The following KIAA1958 variants were observed in gnomAD, a reference collection of about 807,000 sequenced individuals.
The protein encoded by KIAA1958 is uncharacterized protein KIAA1958.
KIAA1958 carries 14 observed loss-of-function variants against 47.2 expected under a neutral mutation model. The observed-to-expected ratio is 0.30, with a 90% CI of 0.20 to 0.46. The LOEUF (loss-of-function observed/expected upper bound fraction) is 0.46, where lower values mean the gene tolerates loss of function less well. Ranked by LOEUF, KIAA1958 falls within the 20% of genes least tolerant of loss-of-function variation. The probability of loss-of-function intolerance (pLI) is 1.00; values close to 1 mark genes in which losing one functional copy is unlikely to be tolerated. For synonymous variants in KIAA1958, 354 were observed against 353.3 expected (o/e 1.00, Z -0.02); for missense variants, 803 against 909.2 (o/e 0.88, Z 1.50).
chr9:112,568,724 A>T (rs1303621305), intron 1 of KIAA1958, among the ~76,000 whole-genome samples: 2 of 151,362 alleles, frequency 1.3e-5, no homozygotes, highest in African/African-American at 4.9e-5. Context: ...ACAAACAAAA[A>T]ATTTAATATA....
chr9:112,569,355 C>T (rs564028810), intron 1 of KIAA1958, among the ~76,000 whole-genome samples: 42 of 152,198 alleles, frequency 2.8e-4, no homozygotes, highest in Non-Finnish European at 5.0e-4. Context: ...TAAGTGTCTT[C>T]TTATCCTATT....
In KIAA1958 at chr9:112,552,723, C is replaced by A. The variant is rs984102170; in HGVS notation, c.-24-21334C>A. On this transcript the variant is annotated intron_variant, in intron 1 of 3. Transcript: ENST00000337530. ...GCCTTAGTCAGATATTCTGGGGTTG[C>A]ATGTGTAGGGTGGAACATTGGCTAC... 2.6e-5 allele frequency among the ~76,000 whole-genome samples: 4 copies of A among 152,162 alleles called. No individual in the cohort carries two copies. In the East Asian group the frequency reaches 7.7e-4, roughly 29 times the overall value.
chr9:112,564,344 A>G (rs541466708), intron 1 of KIAA1958, among the ~76,000 whole-genome samples: 13 of 152,120 alleles, frequency 8.5e-5, no homozygotes, highest in African/African-American at 2.4e-4. Context: ...TTTTGTGTCA[A>G]TTTTGTCATG....
Position 112,574,882 on chromosome 9 carries a change from G to A in KIAA1958, c.802G>A (p.Gly268Ser), listed in dbSNP as rs766855415. The A allele has an allele frequency of 9.3e-6, 15 of 1,613,898 alleles. 1 individual carries two copies. Among genetic ancestry groups the A allele is most frequent in the Middle Eastern group, 1.6e-4 (1 of 6,084 alleles). Reference protein sequence around the residue: ...SAISTELDPHGMSASPSVISR... With the variant: ...SAISTELDPHSMSASPSVISR... ...CATCAGCACGGAGCTAGACCCACAC[G>A]GTATGTCTGCATCCCCCTCTGTGAT... The change falls in exon 2 of 4, where the codon GGT (glycine) becomes AGT (serine). Residue 268 changes from glycine (G) to serine (S), a missense_variant. Gly to Ser is a moderately conservative substitution (Grantham distance 56). Transcript: ENST00000337530.
At chr9:112,621,356 A>G (rs1836504191) in intron 2 of KIAA1958, among the ~76,000 whole-genome samples, 1 of 152,182 alleles carries the variant, frequency 6.6e-6, no homozygotes, top group Admixed American at 6.5e-5. Flanking sequence ...TCTAATGTTT[A>G]AAAAAAGGTC....
intron 1 of KIAA1958, among the ~76,000 whole-genome samples, chr9:112,568,818 G>A (rs1189052812): frequency 2.0e-5 from 3 of 150,438 alleles, no homozygotes; most frequent in African/African-American, 7.3e-5. Context: ...AGCCCAGGGG[G>A]CAGAGGTTAC....
chr9:112,638,001 T>C (rs1051316665), intron 2 of KIAA1958, among the ~76,000 whole-genome samples: 1 of 152,008 alleles, frequency 6.6e-6, no homozygotes, highest in African/African-American at 2.4e-5. Flanking sequence ...ATACAAAAAT[T>C]AGCCAGGTGT....
rs758153469 is a variant in KIAA1958, at chr9:112,659,668, G to A, written c.1750G>A (p.Glu584Lys). ...TGCGGATCTGATGTATGGTGACATCGAGCTGCTCAAAGACCCCCAAAACCA... is the reference window on the plus strand; with the variant it reads ...TGCGGATCTGATGTATGGTGACATCAAGCTGCTCAAAGACCCCCAAAACCA... ...EHADLMYGDI[E>K]LLKDPQNQPY... Residue 584 changes from glutamate (E) to lysine (K), a missense_variant, in exon 4 of 4, where the codon GAG (glutamate) becomes AAG (lysine). Physicochemically the swap from Glu to Lys is moderately conservative, Grantham distance 56 (BLOSUM62 1). Around this residue, in one of 2 missense-constraint regions of KIAA1958, gnomAD observed 761 missense variants for 829.3 expected, o/e 0.92. Coordinates refer to ENST00000337530, the MANE Select transcript of KIAA1958 (RefSeq NM_133465.4). 2.2e-5 allele frequency: 35 copies of A among 1,613,994 alleles called. No homozygotes were observed. The highest frequency in any genetic ancestry group is 1.5e-4 in the South Asian group (14 of 91,072).
At chr9:112,580,659 C>T (rs1171741940) in intron 2 of KIAA1958, among the ~76,000 whole-genome samples, 3 of 151,904 alleles carry the variant, frequency 2.0e-5, no homozygotes, top group Non-Finnish European at 4.4e-5. Context: ...TGGTGGCAGG[C>T]GCCTGTAGTC....
Position 112,659,752 on chromosome 9 carries a change from G to A in KIAA1958, c.1834G>A (p.Val612Met), listed in dbSNP as rs1356751125. The stretch of plus-strand genomic sequence containing the variant: ...GGAGAGTCGGAGCGGCTCCACCAGA[G>A]TGTGTCACGGGAAGATCTACCATGA... ...KRESRSGSTRVCHGKIYHEHS... is the reference protein window; with the variant it reads ...KRESRSGSTRMCHGKIYHEHS... Residue 612 changes from valine to methionine, a missense_variant, in exon 4 of 4, where the codon GTG becomes ATG. By Grantham distance (21) the Val-to-Met change is conservative. Transcript: ENST00000337530. 3 of 1,614,186 alleles carry A rather than the reference G, an allele frequency of 1.9e-6. No individual in the cohort carries two copies. The East Asian group carries it at 6.7e-5, about 36-fold the overall frequency.
intron 3 of KIAA1958, among the ~76,000 whole-genome samples, chr9:112,651,678 G>A (rs1837057186): frequency 6.6e-6 from 1 of 152,120 alleles, no homozygotes; most frequent in South Asian, 2.1e-4. Context: ...TTACAGGTGT[G>A]AGCCACTGTG....
chr9:112,587,278 T>C (rs1835842735), intron 2 of KIAA1958, among the ~76,000 whole-genome samples: 1 of 152,176 alleles, frequency 6.6e-6, no homozygotes, highest in Non-Finnish European at 1.5e-5. Context: ...GCCTCCTAAG[T>C]AGCTGGGATT....
At chr9:112,567,561 A>C (rs2131165872) in intron 1 of KIAA1958, among the ~76,000 whole-genome samples, 1 of 152,342 alleles carries the variant, frequency 6.6e-6, no homozygotes, top group East Asian at 1.9e-4. Flanking sequence ...ACTTCCATTT[A>C]GGAGCTGATC....
intron 1 of KIAA1958, among the ~76,000 whole-genome samples, chr9:112,499,968 G>A (rs1303553508): frequency 1.3e-5 from 2 of 151,946 alleles, no homozygotes; most frequent in African/African-American, 4.8e-5. Flanking sequence ...GATTACAGGC[G>A]TGAGCCACTG....
At chr9:112,526,334 C>G (rs1834651228) in intron 1 of KIAA1958, among the ~76,000 whole-genome samples, 1 of 151,950 alleles carries the variant, frequency 6.6e-6, no homozygotes, top group Non-Finnish European at 1.5e-5. Flanking sequence ...GCACACTGCA[C>G]TCTCCACCTC....
intron 2 of KIAA1958, among the ~76,000 whole-genome samples, chr9:112,642,639 C>T (rs552837648): frequency 2.6e-5 from 4 of 152,196 alleles, no homozygotes; most frequent in Non-Finnish European, 5.9e-5. Context: ...CGGGGTTTGT[C>T]CTGTCCTCTG....
At chr9:112,501,556 A>C (rs371751515) in intron 1 of KIAA1958, among the ~76,000 whole-genome samples, 1 of 152,236 alleles carries the variant, frequency 6.6e-6, no homozygotes, top group Non-Finnish European at 1.5e-5. Flanking sequence ...CAAGTCTTCA[A>C]TTGGTCTTAG....
chr9:112,611,542 A>G (rs77798170), intron 2 of KIAA1958, among the ~76,000 whole-genome samples: 2 of 152,028 alleles, frequency 1.3e-5, no homozygotes, highest in African/African-American at 4.8e-5. Flanking sequence ...AAAAAAAAAA[A>G]TTGGGGTGGG....
chr9:112,542,849 C>G (rs758125828), intron 1 of KIAA1958, among the ~76,000 whole-genome samples: 3 of 152,174 alleles, frequency 2.0e-5, no homozygotes, highest in Non-Finnish European at 4.4e-5. Context: ...GGAAGGCCTG[C>G]AAGCCACTGC....
Sources: allele counts gnomAD v4.1 joint callset (sites outside exome capture counted in the v4.1 genomes callset), GRCh38; gene constraint gnomAD v4.1.1; regional missense constraint gnomAD v4.1.1; transcripts MANE v1.5; gene names NCBI Gene and HGNC (gene_info 2026-07-23, HGNC 2026-07-21).